The following TRAPPC13 variants were observed in gnomAD, a reference collection of about 807,000 sequenced individuals.
TRAPPC13 encodes REV7-interacting novel NHEJ regulator 1.
In TRAPPC13, 39 loss-of-function variants were observed where a neutral mutation model predicts 54.0. That is an observed-to-expected ratio of 0.72 (90% CI 0.56 to 0.94). TRAPPC13 has a LOEUF of 0.94. TRAPPC13 is among the 40% of genes least tolerant of loss of function. The probability of loss-of-function intolerance (pLI) is 0.00; values close to 1 mark genes in which losing one functional copy is unlikely to be tolerated. For missense variants in TRAPPC13, 386 were observed against 488.1 expected (o/e 0.79, Z 1.97); for synonymous variants, 148 against 167.7 (o/e 0.88, Z 0.91).
chr5:65,635,045 T>G (rs1755697539), intron 1 of TRAPPC13: 4 of 663,030 alleles, frequency 6.0e-6, no homozygotes, highest in Non-Finnish European at 7.5e-6. Flanking sequence ...TTTTCTATAA[T>G]GAATGCATAT....
At chr5:65,662,284 A>G in intron 11 of TRAPPC13, 134 bp downstream of exon 11, 1 of 551,720 alleles carries the variant, frequency 1.8e-6, no homozygotes, top group Non-Finnish European at 3.1e-6. Context: ...GATATTGAGT[A>G]CTGTAAAATT....
intron 1 of TRAPPC13, among the ~76,000 whole-genome samples, chr5:65,632,731 C>G (rs937198095): frequency 6.6e-6 from 1 of 152,142 alleles, no homozygotes; most frequent in Non-Finnish European, 1.5e-5. Context: ...AGCATAATGC[C>G]TGGCGCTAGT....
At chr5:65,629,921 A>G (rs892390005) in intron 1 of TRAPPC13, 13 of 1,536,138 alleles carry the variant, frequency 8.5e-6, no homozygotes, top group Non-Finnish European at 1.1e-5. Context: ...GAAGGAACAG[A>G]CTAATTCTGG....
At chr5:65,636,230 A>G (rs1755741744) in intron 3 of TRAPPC13, among the ~76,000 whole-genome samples, 187 bp downstream of exon 3, 1 of 146,360 alleles carries the variant, frequency 6.8e-6, no homozygotes, top group African/African-American at 2.5e-5. Flanking sequence ...TGCAACCTCC[A>G]CCTCCTGGGT....
At chr5:65,632,831 A>T (rs1395495036) in intron 1 of TRAPPC13, among the ~76,000 whole-genome samples, 2 of 152,248 alleles carry the variant, frequency 1.3e-5, no homozygotes, top group Non-Finnish European at 2.9e-5. Context: ...GCTGCTTAAT[A>T]TAGCAGGTTT....
At chr5:65,627,328 C>T (rs1392196835) in intron 1 of TRAPPC13, among the ~76,000 whole-genome samples, 1 of 150,832 alleles carries the variant, frequency 6.6e-6, no homozygotes, top group Non-Finnish European at 1.5e-5. Context: ...TTTAAGTGGT[C>T]ATTTAAGTTC....
chr5:65,627,490 C>T (rs1448240291), intron 1 of TRAPPC13, among the ~76,000 whole-genome samples: 3 of 151,954 alleles, frequency 2.0e-5, no homozygotes, highest in Non-Finnish European at 4.4e-5. Context: ...ATTAGCCAGG[C>T]GTGATGGTGT....
At chr5:65,643,615 A>G (rs1034914853) in intron 4 of TRAPPC13, among the ~76,000 whole-genome samples, 5 of 151,912 alleles carry the variant, frequency 3.3e-5, no homozygotes, top group African/African-American at 4.8e-5. Flanking sequence ...TCAGGAGATC[A>G]AGACCATCCT....
intron 5 of TRAPPC13, 41 bp from the exon 6 acceptor site, chr5:65,650,769 T>G (rs1561772715): frequency 6.5e-7 from 1 of 1,536,658 alleles, no homozygotes; most frequent in Non-Finnish European, 9.0e-7. Context: ...CTATTAAAAT[T>G]AAAAATGACT....
intron 5 of TRAPPC13, among the ~76,000 whole-genome samples, chr5:65,647,461 A>T (rs1756256087): frequency 6.6e-6 from 1 of 152,106 alleles, no homozygotes; most frequent in African/African-American, 2.4e-5. Flanking sequence ...CCCAGGTAGC[A>T]CTCTAAAAGT....
chr5:65,641,223 C>A (rs1247795221), intron 4 of TRAPPC13, among the ~76,000 whole-genome samples: 1 of 152,104 alleles, frequency 6.6e-6, no homozygotes, highest in Non-Finnish European at 1.5e-5. Context: ...TGTGAGCCAC[C>A]ATATCTGGCC....
chr5:65,649,230 T>TC (rs1461817066), intron 5 of TRAPPC13, among the ~76,000 whole-genome samples: 2 of 151,560 alleles, frequency 1.3e-5, no homozygotes. Flanking sequence ...AAAGAAACTT[T>TC]TTTTTTACAT....
intron 4 of TRAPPC13, among the ~76,000 whole-genome samples, chr5:65,640,582 C>T (rs1384459048): frequency 6.6e-6 from 1 of 152,150 alleles, no homozygotes; most frequent in African/African-American, 2.4e-5. Context: ...CCTCTACATT[C>T]GATTGTGAAA....
At chr5:65,657,277 G>A (rs992487033) in intron 8 of TRAPPC13, among the ~76,000 whole-genome samples, 14 of 152,168 alleles carry the variant, frequency 9.2e-5, no homozygotes, top group African/African-American at 2.9e-4. Flanking sequence ...AGCTACTCGG[G>A]AGGCTGAGGC....
chr5:65,626,287 A>G (rs1186891834), intron 1 of TRAPPC13: 2 of 152,186 alleles, frequency 1.3e-5, no homozygotes, highest in Non-Finnish European at 2.9e-5. Flanking sequence ...CAGTGTTTCA[A>G]CGCAAGGCCT....
chr5:65,625,730 A>AT (rs1440419506), intron 1 of TRAPPC13, among the ~76,000 whole-genome samples: 3 of 151,924 alleles, frequency 2.0e-5, no homozygotes, highest in Non-Finnish European at 2.9e-5. Flanking sequence ...TTTTAGGACA[A>AT]TTTTTTTAAT....
At chr5:65,629,918 C>T in intron 1 of TRAPPC13, 1 of 1,536,072 alleles carries the variant, frequency 6.5e-7, no homozygotes, top group African/African-American at 1.4e-5. Flanking sequence ...ACTGAAGGAA[C>T]AGACTAATTC....
rs1336242230 is a variant in TRAPPC13, at chr5:65,635,333, A to G, written c.79A>G (p.Asn27Asp). 1.2e-6 allele frequency: 2 copies of G among 1,613,668 alleles called. No homozygotes were observed. The highest frequency in any genetic ancestry group is 1.7e-4 in the Middle Eastern group (1 of 6,060). ...MRLTKPTLFTNIPVTCEEKDL... is the reference protein window; with the variant it reads ...MRLTKPTLFTDIPVTCEEKDL... ...GCTGACTAAGCCTACTTTATTCACCAATATCCCAGTAACATGTGAAGAGAA... is the reference window on the plus strand; with the variant it reads ...GCTGACTAAGCCTACTTTATTCACCGATATCCCAGTAACATGTGAAGAGAA... Residue 27 changes from asparagine to aspartate, a missense_variant, in exon 2 of 13, where the codon AAT (asparagine) becomes GAT (aspartate). Physicochemically the swap from Asn to Asp is conservative, Grantham distance 23 (BLOSUM62 1). Coordinates refer to ENST00000399438, the MANE Select transcript of TRAPPC13 (RefSeq NM_024941.4).
chr5:65,644,925 G>T (rs1361614941), intron 4 of TRAPPC13, among the ~76,000 whole-genome samples: 1 of 149,662 alleles, frequency 6.7e-6, no homozygotes. Flanking sequence ...GGCTGGGCGC[G>T]GTGGCTCATA....
Sources: gnomAD v4.1 joint callset for allele counts (sites outside exome capture counted in the v4.1 genomes callset) on GRCh38, gnomAD v4.1.1 for gene constraint, MANE v1.5 for transcripts, NCBI Gene and HGNC (gene_info 2026-07-23, HGNC 2026-07-21) for gene names.